LTBP1: variants seen among roughly 807,000 people sequenced by gnomAD.
The protein encoded by LTBP1 is latent transforming growth factor beta binding protein 1, also known as latent-transforming growth factor beta-binding protein 1.
LTBP1 carries 129 observed loss-of-function variants against 207.6 expected under a neutral mutation model. That is an observed-to-expected ratio of 0.62 (90% CI 0.54 to 0.72). LTBP1 has a LOEUF of 0.72. Ranked by LOEUF, LTBP1 falls within the 30% of genes least tolerant of loss-of-function variation. The pLI is 0.00. For missense variants in LTBP1, 2,281 were observed against 2,217.2 expected, an observed-to-expected ratio of 1.03 and a Z score of -0.58; for synonymous variants, 963 against 833.7, an observed-to-expected ratio of 1.16 and a Z score of -2.67.
chr2:33,199,841 A>G (rs1367175657), intron 7 of LTBP1, among the ~76,000 whole-genome samples: 8 of 152,182 alleles, frequency 5.3e-5, no homozygotes, highest in East Asian at 3.9e-4. Flanking sequence ...ACAGACAAAC[A>G]GAGAGCCAAA....
At chr2:32,964,909 G>A (rs555373462) in intron 2 of LTBP1, among the ~76,000 whole-genome samples, 9 of 152,070 alleles carry the variant, frequency 5.9e-5, no homozygotes, top group South Asian at 2.1e-4. Context: ...GTGTGGTGGC[G>A]TGCACCTGTA....
intron 3 of LTBP1, among the ~76,000 whole-genome samples, chr2:33,045,224 T>A (rs1450960883): frequency 1.3e-5 from 2 of 152,224 alleles, no homozygotes; most frequent in African/African-American, 4.8e-5. Context: ...CTAGGTTTTC[T>A]TCTAGGGTTT....
rs752168040 is a variant in LTBP1, at chr2:33,397,233, C to T, written c.4935C>T (p.Cys1645=). 26 of 1,613,964 alleles carry T rather than the reference C, an allele frequency of 1.6e-5. No homozygotes were observed. Among genetic ancestry groups the T allele is most frequent in the Non-Finnish European group, 1.9e-5 (23 of 1,180,002 alleles). ...TGAGGGTCCAGGAAGGTTACACCTGCGATTGCTTTGATGGGTATCACTTGG... is the reference window on the plus strand; with the variant it reads ...TGAGGGTCCAGGAAGGTTACACCTGTGATTGCTTTGATGGGTATCACTTGG... ...RCVRVQEGYT[C]DCFDGYHLDT... The change falls in exon 33 of 34, where the codon TGC becomes TGT. Residue 1645 remains cysteine (C), a synonymous_variant. Coordinates refer to ENST00000404816, the MANE Select transcript of LTBP1 (RefSeq NM_206943.4).
At chr2:33,242,891 A>C (rs80086591) in intron 9 of LTBP1, among the ~76,000 whole-genome samples, 2,985 of 152,142 alleles carry the variant, frequency 0.02, 96 homozygotes, top group African/African-American at 0.067. Flanking sequence ...AGAAACCTTT[A>C]GTATATAGCT....
At chr2:33,174,054 G>T (rs535368188) in intron 5 of LTBP1, among the ~76,000 whole-genome samples, 2 of 141,436 alleles carry the variant, frequency 1.4e-5, no homozygotes, top group East Asian at 4.0e-4. Flanking sequence ...ATATCATACT[G>T]AATGGGCAAA....
chr2:32,997,038 C>T (rs2148925216), intron 2 of LTBP1, among the ~76,000 whole-genome samples: 1 of 152,238 alleles, frequency 6.6e-6, no homozygotes, highest in South Asian at 2.1e-4. Flanking sequence ...GTGCACACCA[C>T]CATGCCTGGC....
At chr2:33,341,919 C>A (rs1161760163) in intron 24 of LTBP1, among the ~76,000 whole-genome samples, 1 of 151,878 alleles carries the variant, frequency 6.6e-6, no homozygotes, top group African/African-American at 2.4e-5. Flanking sequence ...TATTTGGATG[C>A]TGTCATTAAC....
At position 33,257,317 on chromosome 2, in the gene LTBP1, G is replaced by T; in HGVS notation, c.2201G>T (p.Gly734Val). 1 of 1,614,172 alleles carries T rather than the reference G, an allele frequency of 6.2e-7. No homozygotes were observed. Among genetic ancestry groups the T allele is most frequent in the Non-Finnish European group, 8.5e-7 (1 of 1,180,012 alleles). The change falls in exon 12 of 34, where the codon GGT becomes GTT. Residue 734 changes from glycine to valine, a missense_variant. Transcript: ENST00000404816. ...AFKEICPGGM[G>V]YTVSGVHRRR... ...AAGGAAATCTGTCCTGGTGGAATGG[G>T]TTATACGGTTTCTGGCGTTCATAGA...
chr2:33,334,911 A>C, intron 24 of LTBP1, among the ~76,000 whole-genome samples: 1 of 142,566 alleles, frequency 7.0e-6, no homozygotes, highest in African/African-American at 3.0e-5. Context: ...TCTACTAAAA[A>C]TTAAAAAAAA....
chr2:33,323,328 C>T (rs897539924), intron 24 of LTBP1, among the ~76,000 whole-genome samples: 1 of 152,180 alleles, frequency 6.6e-6, no homozygotes, highest in South Asian at 2.1e-4. Context: ...GCATATTGCT[C>T]CTGTACCTTC....
At chr2:33,058,819 T>C (rs1338980030) in intron 3 of LTBP1, among the ~76,000 whole-genome samples, 1 of 152,224 alleles carries the variant, frequency 6.6e-6, no homozygotes, top group Non-Finnish European at 1.5e-5. Context: ...GGTACCTTAC[T>C]ATAAATGTCG....
intron 2 of LTBP1, among the ~76,000 whole-genome samples, chr2:32,963,298 G>A (rs1041213404): frequency 6.6e-6 from 1 of 152,114 alleles, no homozygotes; most frequent in African/African-American, 2.4e-5. Flanking sequence ...TTGCACTCCT[G>A]GGCTCAAGTG....
rs553700308 is a variant in LTBP1, at chr2:33,196,759, A to G, written c.1701+7908A>G. On this transcript the variant is annotated intron_variant, in intron 7 of 33. Coordinates refer to ENST00000404816, the MANE Select transcript of LTBP1 (RefSeq NM_206943.4). Reference sequence around the variant, plus strand: ...GATGAGCAATGACATCTTTGTTACAAGCAGCCTCATCCTTGATTAATATTA... The same window carrying G: ...GATGAGCAATGACATCTTTGTTACAGGCAGCCTCATCCTTGATTAATATTA... Among the ~76,000 whole-genome samples, 47 of 152,364 alleles carry G rather than the reference A, an allele frequency of 3.1e-4. No homozygotes were observed. In the South Asian group the frequency reaches 9.7e-3, roughly 32 times the overall value.
chr2:33,047,497 T>C (rs1287542590), intron 3 of LTBP1, among the ~76,000 whole-genome samples: 1 of 152,242 alleles, frequency 6.6e-6, no homozygotes, highest in African/African-American at 2.4e-5. Context: ...TTATGATTTC[T>C]GTTCTTTTGC....
intron 3 of LTBP1, among the ~76,000 whole-genome samples, chr2:33,067,912 T>A (rs1382085857): frequency 6.6e-6 from 1 of 152,136 alleles, no homozygotes; most frequent in African/African-American, 2.4e-5. Context: ...AGCTTCCACT[T>A]AACTTTAATT....
chr2:33,377,152 T>G (rs2095150927), intron 31 of LTBP1, among the ~76,000 whole-genome samples: 1 of 152,220 alleles, frequency 6.6e-6, no homozygotes, highest in South Asian at 2.1e-4. Context: ...CTTCATTTCT[T>G]GCTAAACTGC....
intron 9 of LTBP1, among the ~76,000 whole-genome samples, chr2:33,243,023 C>G (rs912128202): frequency 3.3e-5 from 5 of 152,118 alleles, no homozygotes; most frequent in Admixed American, 3.3e-4. Context: ...TCCTGAGCCT[C>G]CATCCACTGG....
At chr2:33,025,972 G>A (rs908771767) in intron 3 of LTBP1, among the ~76,000 whole-genome samples, 7 of 152,078 alleles carry the variant, frequency 4.6e-5, no homozygotes, top group African/African-American at 1.4e-4. Flanking sequence ...AAGAACTTCT[G>A]GGATATTCCT....
intron 33 of LTBP1, among the ~76,000 whole-genome samples, chr2:33,397,996 C>G (rs563942146): frequency 3.3e-5 from 5 of 152,230 alleles, no homozygotes; most frequent in Admixed American, 2.0e-4. Flanking sequence ...TTTAGACAGG[C>G]TGTATGGAGA....
Sources: gnomAD v4.1 joint callset for allele counts (sites outside exome capture counted in the v4.1 genomes callset) on GRCh38, gnomAD v4.1.1 for gene constraint, MANE v1.5 for transcripts, NCBI Gene and HGNC (gene_info 2026-07-23, HGNC 2026-07-21) for gene names.